TEKT1: variants seen among roughly 807,000 people sequenced by gnomAD.
The protein encoded by TEKT1 is tektin-1.
Under a neutral mutation model 34.8 loss-of-function variants are expected in TEKT1, and 32 were observed. That is an observed-to-expected ratio of 0.92 (90% confidence interval 0.69 to 1.23). The LOEUF (loss-of-function observed/expected upper bound fraction) is 1.23, where lower values mean the gene tolerates loss of function less well. Ranked by LOEUF, TEKT1 falls within the 50% of genes most tolerant of loss-of-function variation. The pLI, the probability that TEKT1 is intolerant of heterozygous loss-of-function variation, is 0.00. For synonymous variants in TEKT1, 207 were observed against 199.8 expected (o/e 1.04, Z -0.30); for missense variants, 492 against 518.5 (o/e 0.95, Z 0.50).
intron 2 of TEKT1, 114 bp from the exon 3 acceptor site, chr17:6,819,472 A>G: frequency 9.5e-7 from 1 of 1,056,592 alleles, no homozygotes; most frequent in Non-Finnish European, 1.3e-6. Flanking sequence ...TTTTCCTCTT[A>G]GTGCTGTGCT....
intron 2 of TEKT1, among the ~76,000 whole-genome samples, chr17:6,825,324 G>T (rs374170937): frequency 1.8e-4 from 27 of 152,264 alleles, no homozygotes; most frequent in African/African-American, 6.0e-4. Context: ...CCTCCAATCT[G>T]ACGGTGCTTT....
intron 2 of TEKT1, among the ~76,000 whole-genome samples, chr17:6,820,413 A>T (rs1977071334): frequency 6.6e-6 from 1 of 152,016 alleles, no homozygotes; most frequent in Admixed American, 6.5e-5. Flanking sequence ...GTAGTTCAGC[A>T]TTTGAATCTT....
In TEKT1 at chr17:6,819,711, G is replaced by A. The variant is rs369444027; in HGVS notation, c.191-353C>T. 4.6e-5 allele frequency among the ~76,000 whole-genome samples: 7 copies of A among 152,250 alleles called. No homozygotes were observed. The East Asian group carries it at 9.6e-4, about 21-fold the overall frequency. On this transcript the variant is annotated intron_variant, in intron 2 of 7. Transcript: ENST00000338694. ...TGACCTGTCCCCATCCATTTGAGAC[G>A]GAGTCTCACTGTGTCACCCAGGCTG... is the stretch of plus-strand genomic sequence containing the variant.
At chr17:6,825,624 G>A (rs575251602) in intron 2 of TEKT1, among the ~76,000 whole-genome samples, 2 of 152,274 alleles carry the variant, frequency 1.3e-5, no homozygotes, top group Admixed American at 6.5e-5. Context: ...GGTCTCTCAT[G>A]ACCCCTTCCA....
chr17:6,818,060 C>A (rs1468707192), intron 3 of TEKT1, among the ~76,000 whole-genome samples: 1 of 152,096 alleles, frequency 6.6e-6, no homozygotes, highest in Non-Finnish European at 1.5e-5. Context: ...AAGACAGGGG[C>A]ATGGTGCATT....
intron 6 of TEKT1, among the ~76,000 whole-genome samples, chr17:6,809,297 T>C (rs1212437848): frequency 6.6e-6 from 1 of 152,218 alleles, no homozygotes; most frequent in Non-Finnish European, 1.5e-5. Flanking sequence ...AATGGCATGA[T>C]CTCAGCTCAC....
At chr17:6,825,364 C>T (rs189717441) in intron 2 of TEKT1, among the ~76,000 whole-genome samples, 4 of 152,256 alleles carry the variant, frequency 2.6e-5, no homozygotes, top group East Asian at 3.9e-4. Context: ...TGAAGCACAC[C>T]GTATCCTGGG....
rs1976950092 is a variant in TEKT1 at position 6,813,013 on chromosome 17, T to C, written c.670A>G (p.Asn224Asp). ...CGCTGCTTGTCAGCCTTCTCCACAT[T>C]GGTGCTGGAGAAGTCCAACCAGTCT... ...LEDWLDFSST[N>D]VEKADKQRNN... is the part of the protein sequence containing the mutation. Residue 224 changes from asparagine to aspartate, a missense_variant, in exon 6 of 8, where the codon AAT (asparagine) becomes GAT (aspartate). Transcript: ENST00000338694. 2 of 1,614,130 alleles carry C rather than the reference T, an allele frequency of 1.2e-6. No homozygotes were observed. The highest frequency in any genetic ancestry group is 2.7e-5 in the African/African-American group (2 of 75,064).
Position 6,814,089 on chromosome 17 carries a change from G to T in TEKT1, c.630-1036C>A, listed in dbSNP as rs191626621. 4.3e-3 allele frequency among the ~76,000 whole-genome samples: 660 copies of T among 152,080 alleles called. 9 individuals are homozygous for T. Among genetic ancestry groups the T allele is most frequent in the African/African-American group, 0.014 (575 of 41,438 alleles). ...CATCACCCACAATCAGCTTGGAATTGGACCCCACCCGGGTCAAGCCTTCAG... is the reference window on the plus strand; with the variant it reads ...CATCACCCACAATCAGCTTGGAATTTGACCCCACCCGGGTCAAGCCTTCAG... On this transcript the variant is annotated intron_variant, in intron 5 of 7. Coordinates refer to ENST00000338694, the MANE Select transcript of TEKT1 (RefSeq NM_053285.2).
intron 6 of TEKT1, among the ~76,000 whole-genome samples, chr17:6,801,353 A>G (rs775728728): frequency 6.6e-6 from 1 of 152,202 alleles, no homozygotes; most frequent in Non-Finnish European, 1.5e-5. Context: ...AGCCTGAGGA[A>G]AGAAGGAGCA....
At chr17:6,813,355 C>T (rs1343743667) in intron 5 of TEKT1, among the ~76,000 whole-genome samples, 1 of 152,054 alleles carries the variant, frequency 6.6e-6, no homozygotes, top group African/African-American at 2.4e-5. Flanking sequence ...AATGAAGTAA[C>T]TTGGGTGAGA....
At chr17:6,816,548 A>G (rs1265801196) in intron 3 of TEKT1, among the ~76,000 whole-genome samples, 2 of 152,196 alleles carry the variant, frequency 1.3e-5, no homozygotes, top group Admixed American at 6.5e-5. Flanking sequence ...ATGTCCCTGC[A>G]AAGGACATGA....
chr17:6,808,544 ATCT>A (rs1976882028), intron 6 of TEKT1, among the ~76,000 whole-genome samples: 1 of 152,042 alleles, frequency 6.6e-6, no homozygotes, highest in African/African-American at 2.4e-5. Context: ...GAAATCACCC[ATCT>A]TCTGCGTCGC....
rs111411722 is a variant in TEKT1, at chr17:6,808,552, C to T, written c.852+4279G>A. 5.9e-5 allele frequency among the ~76,000 whole-genome samples: 9 copies of T among 152,300 alleles called. No homozygotes were observed. The South Asian group carries it at 6.2e-4, about 11-fold the overall frequency. On this transcript the variant is annotated intron_variant, in intron 6 of 7. Coordinates refer to ENST00000338694, the MANE Select transcript of TEKT1 (RefSeq NM_053285.2). ...AAACGCAGAAATCACCCATCTTCTGCGTCGCTCACGCTGGGAGCTGTAGGC... is the reference window on the plus strand; with the variant it reads ...AAACGCAGAAATCACCCATCTTCTGTGTCGCTCACGCTGGGAGCTGTAGGC...
At chr17:6,829,632 G>A (rs1904508366) in intron 2 of TEKT1, among the ~76,000 whole-genome samples, 2 of 151,386 alleles carry the variant, frequency 1.3e-5, no homozygotes, top group Non-Finnish European at 2.9e-5. Flanking sequence ...AACAGCACAT[G>A]CTACCACACC....
rs1976934064 is a variant in TEKT1, at chr17:6,811,886, A to C, written c.852+945T>G. 6.6e-6 allele frequency among the ~76,000 whole-genome samples: 1 copy of C among 152,104 alleles called. No homozygotes were observed. Among genetic ancestry groups the C allele is most frequent in the Non-Finnish European group, 1.5e-5 (1 of 68,012 alleles). On this transcript the variant is annotated intron_variant, in intron 6 of 7. Coordinates refer to ENST00000338694, the MANE Select transcript of TEKT1 (RefSeq NM_053285.2). The surrounding 1 kb of genome is among the most constrained non-coding windows in gnomAD (Gnocchi z 4.4). Reference sequence around the variant, plus strand: ...CGACAAATTCTACAGGAAGGACCCTAATCTGTAGAATTTGCCGATATCTGT... The same window carrying C: ...CGACAAATTCTACAGGAAGGACCCTCATCTGTAGAATTTGCCGATATCTGT...
At chr17:6,812,392 A>G (rs957028124) in intron 6 of TEKT1, among the ~76,000 whole-genome samples, 2 of 152,256 alleles carry the variant, frequency 1.3e-5, no homozygotes, top group East Asian at 1.9e-4. Flanking sequence ...TAGAGTCCTA[A>G]AGCTCCAACC....
rs1473210432 is a variant in TEKT1, at chr17:6,814,979, G to C, written c.629+184C>G. On this transcript the variant is annotated intron_variant, in intron 5 of 7. Coordinates refer to ENST00000338694, the MANE Select transcript of TEKT1 (RefSeq NM_053285.2). ...GTTTTATGTCAGACTTTCTTAGTTA[G>C]TGAGCCTAACCTGGAGAATCAGGAG... 4 of 622,326 alleles carry C rather than the reference G, an allele frequency of 6.4e-6. No homozygotes were observed. The African/African-American group carries it at 7.4e-5, about 12-fold the overall frequency. The allele number at this position is 622,326 out of a possible 1,614,324, so 38.6% of individuals were successfully genotyped here.
intron 6 of TEKT1, among the ~76,000 whole-genome samples, chr17:6,801,981 C>A (rs961017161): frequency 1.3e-5 from 2 of 152,080 alleles, no homozygotes; most frequent in East Asian, 3.8e-4. Context: ...ATATTATGTC[C>A]TTTTAGTTAA....
Sources: allele counts gnomAD v4.1 joint callset (sites outside exome capture counted in the v4.1 genomes callset), GRCh38; gene constraint gnomAD v4.1.1; non-coding constraint Gnocchi (gnomAD v3.1); transcripts MANE v1.5; gene names NCBI Gene and HGNC (gene_info 2026-07-23, HGNC 2026-07-21).